Variants in TACC2 observed in about 807,000 individuals in gnomAD.
The protein encoded by TACC2 is transforming acidic coiled-coil-containing protein 2.
TACC2 carries 137 observed loss-of-function variants against 227.3 expected under a neutral mutation model. The observed-to-expected ratio is 0.60, with a 90% CI of 0.52 to 0.69. The LOEUF is 0.69. Among genes scored for constraint, TACC2 ranks in the 30% least tolerant of loss-of-function variants. TACC2 has a pLI of 0.00. For synonymous variants in TACC2, 1,523 were observed against 1,487.5 expected, an observed-to-expected ratio of 1.02 and a Z score of -0.55; for missense variants, 3,470 against 3,694.4, an observed-to-expected ratio of 0.94 and a Z score of 1.57.
At chr10:122,139,280 G>C (rs914046018) in intron 6 of TACC2, among the ~76,000 whole-genome samples, 3 of 152,238 alleles carry the variant, frequency 2.0e-5, no homozygotes, top group Admixed American at 2.0e-4. Context: ...AACTGCGCAG[G>C]AGCCCAGCGC....
intron 2 of TACC2, among the ~76,000 whole-genome samples, chr10:122,038,616 A>G (rs960391867): frequency 6.6e-6 from 1 of 152,132 alleles, no homozygotes; most frequent in Admixed American, 6.5e-5. Flanking sequence ...TTGGAAATTG[A>G]CAGTTGTTTC....
intron 3 of TACC2, among the ~76,000 whole-genome samples, chr10:122,066,721 A>G (rs145422479): frequency 4.8e-4 from 73 of 152,320 alleles, no homozygotes; most frequent in Non-Finnish European, 9.0e-4. Context: ...TGTAGCTTTT[A>G]ACTGGAGTGT....
At chr10:122,250,153 C>T (rs964528628) in intron 22 of TACC2, among the ~76,000 whole-genome samples, 1 of 152,214 alleles carries the variant, frequency 6.6e-6, no homozygotes, top group Non-Finnish European at 1.5e-5. Flanking sequence ...CGCAGGTTTC[C>T]TCCTTTTGGA....
At chr10:122,146,071 A>G (rs780773519) in intron 7 of TACC2, among the ~76,000 whole-genome samples, 1 of 152,180 alleles carries the variant, frequency 6.6e-6, no homozygotes, top group Non-Finnish European at 1.5e-5. Flanking sequence ...ACATGGAGCA[A>G]TGAGTTACTA....
At position 122,149,676 on chromosome 10, in the gene TACC2, A is replaced by G. The variant is rs1169444293; in HGVS notation, c.5834+5970A>G. The stretch of plus-strand genomic sequence containing the variant: ...CATGATGCATCTTCGCTCTGGAGCC[A>G]GTTCGCCAGTCCGCTCCCCAGCGCG... On this transcript the variant is annotated intron_variant, in intron 7 of 22. Coordinates refer to ENST00000369005, the MANE Select transcript of TACC2 (RefSeq NM_206862.4). 2.6e-5 allele frequency among the ~76,000 whole-genome samples: 4 copies of G among 152,332 alleles called. No individual in the cohort carries two copies. The South Asian group carries it at 8.3e-4, about 32-fold the overall frequency.
intron 7 of TACC2, among the ~76,000 whole-genome samples, chr10:122,177,556 G>A (rs1233627938): frequency 6.6e-6 from 1 of 152,048 alleles, no homozygotes; most frequent in Non-Finnish European, 1.5e-5. Flanking sequence ...TTCCAGCCTG[G>A]GTAACATAGT....
intron 1 of TACC2, among the ~76,000 whole-genome samples, chr10:121,992,907 A>G (rs1308432838): frequency 2.0e-5 from 3 of 151,836 alleles, no homozygotes; most frequent in African/African-American, 7.3e-5. Flanking sequence ...GTGAGCCAAG[A>G]TCGTGCCACT....
At chr10:122,133,164 A>T (rs2088734227) in intron 6 of TACC2, among the ~76,000 whole-genome samples, 1 of 152,036 alleles carries the variant, frequency 6.6e-6, no homozygotes, top group Non-Finnish European at 1.5e-5. Context: ...TCATTTTTTG[A>T]TGGTGGTCAG....
chr10:122,071,293 A>G lies in TACC2; in HGVS notation c.147-11354A>G, dbSNP rs74937130. Among the ~76,000 whole-genome samples, 363 of 152,286 alleles carry G rather than the reference A, an allele frequency of 2.4e-3. 4 individuals are homozygous for G. Among genetic ancestry groups the G allele is most frequent in the African/African-American group, 8.5e-3 (353 of 41,560 alleles). On this transcript the variant is annotated intron_variant, in intron 3 of 22. Coordinates refer to ENST00000369005, the MANE Select transcript of TACC2 (RefSeq NM_206862.4). ...GTTATTGGCATGACTTTATCTAGAC[A>G]CGTTTGAAGGACAACAGACAGATGT...
intron 7 of TACC2, among the ~76,000 whole-genome samples, chr10:122,183,769 G>A (rs1205201204): frequency 6.6e-6 from 1 of 152,164 alleles, no homozygotes; most frequent in African/African-American, 2.4e-5. Context: ...AGTGGGGAGG[G>A]CAGTTGGGTC....
In TACC2 at chr10:122,083,742, G is replaced by C. The variant is rs200855604; in HGVS notation, c.1242G>C (p.Glu414Asp). 359 of 1,613,922 alleles carry C rather than the reference G, an allele frequency of 2.2e-4. No individual in the cohort carries two copies. Among genetic ancestry groups the C allele is most frequent in the Middle Eastern group, 3.3e-4 (2 of 6,084 alleles). ...SPEPSLLTPT[E>D]EAHPASSLAS... ...AACCTTCCCTGCTCACTCCGACTGA[G>C]GAAGCACATCCAGCTTCAAGCCTCG... Residue 414 changes from glutamate to aspartate, a missense_variant, in exon 4 of 23, where the codon GAG becomes GAC. Around this residue, in one of 10 missense-constraint regions of TACC2, gnomAD observed 1,924 missense variants for 1,978.3 expected, o/e 0.97. Coordinates refer to ENST00000369005, the MANE Select transcript of TACC2 (RefSeq NM_206862.4).
intron 5 of TACC2, among the ~76,000 whole-genome samples, chr10:122,097,568 G>T (rs959299497): frequency 6.6e-6 from 1 of 151,982 alleles, no homozygotes; most frequent in African/African-American, 2.4e-5. Flanking sequence ...GACGGGGAGG[G>T]CCCTGGGAGT....
At chr10:122,133,495 G>A (rs549848728) in intron 6 of TACC2, among the ~76,000 whole-genome samples, 100 of 152,118 alleles carry the variant, frequency 6.6e-4, no homozygotes, top group Non-Finnish European at 1.3e-3. Context: ...ACATGTACAC[G>A]TGTATGTCTA....
intron 5 of TACC2, among the ~76,000 whole-genome samples, chr10:122,126,503 T>C (rs2086909459): frequency 6.6e-6 from 1 of 152,138 alleles, no homozygotes; most frequent in Admixed American, 6.5e-5. Context: ...ATTTGTCTGA[T>C]TCCTCTGATT....
At chr10:122,113,932 C>T (rs1227941865) in intron 5 of TACC2, among the ~76,000 whole-genome samples, 2 of 152,238 alleles carry the variant, frequency 1.3e-5, no homozygotes, top group Admixed American at 6.5e-5. Flanking sequence ...AGGCTCCGAG[C>T]GCCGAATACA....
In TACC2 at chr10:122,143,635, A is replaced by G. The variant is rs780024892; in HGVS notation, c.5763A>G (p.Pro1921=). The change falls in exon 7 of 23, where the codon CCA becomes CCG. Residue 1921 remains proline (P), a synonymous_variant. Transcript: ENST00000369005. ...CGGCTGCAGAACACATAGTTTCGCC[A>G]TCTGCCCCAGCTGGTGACAGAGTAG... ...PPSAAEHIVS[P]SAPAGDRVEA... is the part of the protein sequence containing the mutation. 3 of 1,614,054 alleles carry G rather than the reference A, an allele frequency of 1.9e-6. No homozygotes were observed. Among genetic ancestry groups the G allele is most frequent in the Non-Finnish European group, 1.7e-6 (2 of 1,179,948 alleles).
chr10:122,058,390 T>C (rs2459095), intron 3 of TACC2, among the ~76,000 whole-genome samples: 113,847 of 151,872 alleles, frequency 0.75, 43,851 homozygotes, highest in East Asian at 0.95. Context: ...ATGGCCAGCC[T>C]GCAGGCTGCA....
intron 7 of TACC2, chr10:122,164,110 T>C: frequency 8.0e-7 from 1 of 1,254,436 alleles, no homozygotes; most frequent in Non-Finnish European, 1.1e-6. Context: ...TGGCCTGGGG[T>C]TCTTCGCAGC....
intron 5 of TACC2, among the ~76,000 whole-genome samples, chr10:122,114,541 G>A (rs1592166435): frequency 1.3e-5 from 2 of 152,184 alleles, no homozygotes; most frequent in East Asian, 1.9e-4. Flanking sequence ...TGAGCCAGGC[G>A]GGTGAGTGGA....
Sources: allele counts gnomAD v4.1 joint callset (sites outside exome capture counted in the v4.1 genomes callset), GRCh38; gene constraint gnomAD v4.1.1; regional missense constraint gnomAD v4.1.1; transcripts MANE v1.5; gene names NCBI Gene and HGNC (gene_info 2026-07-23, HGNC 2026-07-21).